The following HPSE2 variants were observed in gnomAD, a reference collection of about 807,000 sequenced individuals.
HPSE2 encodes inactive heparanase-2.
HPSE2 carries 38 observed loss-of-function variants against 60.5 expected under a neutral mutation model. The ratio of observed to expected loss-of-function variants is 0.63; its 90% CI spans 0.48 to 0.82. The LOEUF (loss-of-function observed/expected upper bound fraction) is 0.82. Ranked by LOEUF, HPSE2 falls within the 40% of genes least tolerant of loss-of-function variation. HPSE2 has a pLI of 0.00. For missense variants in HPSE2, 713 were observed against 740.4 expected, an observed-to-expected ratio of 0.96 and a Z score of 0.43; for synonymous variants, 295 against 293.2, an observed-to-expected ratio of 1.01 and a Z score of -0.06.
intron 3 of HPSE2, among the ~76,000 whole-genome samples, chr10:98,843,204 C>A (rs1283909259): frequency 6.6e-6 from 1 of 151,966 alleles, no homozygotes; most frequent in Non-Finnish European, 1.5e-5. Flanking sequence ...CCACCCTCCA[C>A]CCTCCGATAG....
intron 9 of HPSE2, among the ~76,000 whole-genome samples, chr10:98,580,186 G>GT (rs1351776817): frequency 6.6e-6 from 1 of 152,024 alleles, no homozygotes; most frequent in East Asian, 1.9e-4. Flanking sequence ...TTTATTCTTG[G>GT]TTTTTAAAAT....
intron 3 of HPSE2, among the ~76,000 whole-genome samples, chr10:98,970,650 C>T (rs1955929089): frequency 6.6e-6 from 1 of 152,088 alleles, no homozygotes. Flanking sequence ...CAGGAAAGTG[C>T]TAACACAAAA....
intron 3 of HPSE2, among the ~76,000 whole-genome samples, chr10:98,755,657 A>T (rs557604311): frequency 6.6e-6 from 1 of 152,130 alleles, no homozygotes; most frequent in Non-Finnish European, 1.5e-5. Flanking sequence ...AAATCATATC[A>T]CCCACCCTCT....
intron 10 of HPSE2, 66 bp downstream of exon 10, chr10:98,489,985 G>T: frequency 6.3e-7 from 1 of 1,585,922 alleles, no homozygotes; most frequent in Non-Finnish European, 8.7e-7. Flanking sequence ...AGTCTTGAAG[G>T]GGTCCCAAAT....
intron 7 of HPSE2, among the ~76,000 whole-genome samples, chr10:98,623,762 C>T (rs1946133239): frequency 6.6e-6 from 1 of 152,010 alleles, no homozygotes; most frequent in Non-Finnish European, 1.5e-5. Context: ...TTTTATAATG[C>T]TAATGTAGAT....
rs543423512 is a variant in HPSE2 at position 98,938,148 on chromosome 10, G to A, written c.611-194092C>T. Among the ~76,000 whole-genome samples, 444 of 125,354 alleles carry A rather than the reference G, an allele frequency of 3.5e-3. 2 individuals carry two copies. Among genetic ancestry groups the A allele is most frequent in the South Asian group, 0.011 (42 of 4,000 alleles). 82.2% of individuals were successfully genotyped at this position (125,354 alleles called of 152,430 possible). ...ACCACAAAGATGGGGAAAAAACAGA[G>A]CAGAAAAACTGGAAATTCTAAAAAG... On this transcript the variant is annotated intron_variant, in intron 3 of 11. Coordinates refer to ENST00000370552, the MANE Select transcript of HPSE2 (RefSeq NM_021828.5).
chr10:98,637,426 TAAC>T (rs1438586989), intron 7 of HPSE2, among the ~76,000 whole-genome samples: 3 of 152,088 alleles, frequency 2.0e-5, no homozygotes, highest in Non-Finnish European at 1.5e-5. Flanking sequence ...ATAATAACTA[TAAC>T]AACAATAATA....
chr10:98,992,601 C>T (rs1956550775), intron 3 of HPSE2, among the ~76,000 whole-genome samples: 2 of 152,034 alleles, frequency 1.3e-5, no homozygotes, highest in African/African-American at 4.8e-5. Flanking sequence ...CTAGATCTGT[C>T]AAGAAAAGCA....
chr10:98,752,143 T>C (rs1268247950), intron 3 of HPSE2, among the ~76,000 whole-genome samples: 3 of 152,142 alleles, frequency 2.0e-5, no homozygotes, highest in Non-Finnish European at 4.4e-5. Flanking sequence ...CTTATCTAGG[T>C]TTATGAAAGG....
chr10:98,541,678 G>A (rs914392929), intron 9 of HPSE2, among the ~76,000 whole-genome samples: 1 of 152,222 alleles, frequency 6.6e-6, no homozygotes, highest in Non-Finnish European at 1.5e-5. Context: ...CCCACACATG[G>A]CTCAGAGGGT....
chr10:98,664,369 A>C (rs767741444), intron 6 of HPSE2, among the ~76,000 whole-genome samples: 1 of 152,092 alleles, frequency 6.6e-6, no homozygotes, highest in Non-Finnish European at 1.5e-5. Context: ...GCAGGGAAGC[A>C]GGGCCTACCT....
In HPSE2 at chr10:99,117,650, C is replaced by T. The variant is rs573359125; in HGVS notation, c.610+26588G>A. On this transcript the variant is annotated intron_variant, in intron 3 of 11. Coordinates refer to ENST00000370552, the MANE Select transcript of HPSE2 (RefSeq NM_021828.5). Reference sequence around the variant, plus strand: ...ATAAATTTCTGTACACATACACCCTCCCAAGACAGAGCCAGTAAGAAATGG... The same window carrying T: ...ATAAATTTCTGTACACATACACCCTTCCAAGACAGAGCCAGTAAGAAATGG... 3.4e-4 allele frequency among the ~76,000 whole-genome samples: 52 copies of T among 152,086 alleles called. 1 individual carries two copies. Among genetic ancestry groups the T allele is most frequent in the Admixed American group, 2.4e-3 (37 of 15,278 alleles).
chr10:98,870,984 CTT>C (rs1413751024), intron 3 of HPSE2, among the ~76,000 whole-genome samples: 5 of 151,294 alleles, frequency 3.3e-5, no homozygotes, highest in African/African-American at 1.2e-4. Flanking sequence ...TCCTCTCTCT[CTT>C]GCCCTCTCTC....
intron 9 of HPSE2, among the ~76,000 whole-genome samples, chr10:98,614,459 AT>A (rs532708377): frequency 6.6e-6 from 1 of 151,904 alleles, no homozygotes; most frequent in Non-Finnish European, 1.5e-5. Flanking sequence ...CACACAGCTA[AT>A]TTTTTGTATT....
At chr10:99,255,588 A>AC in the HPSE2 span, among the ~76,000 whole-genome samples, 1 of 139,784 alleles carries the variant, frequency 7.2e-6, no homozygotes, top group Non-Finnish European at 1.5e-5. Flanking sequence ...ACACACACAC[A>AC]CACACACGAC....
Position 98,749,947 on chromosome 10 carries a change from T to TATATATATATATATACATAC in HPSE2, c.611-5892_611-5891insGTATGTATATATATATATAT. On this transcript the variant is annotated intron_variant, in intron 3 of 11. Transcript: ENST00000370552. ...ATTAAACACTATATATATATATATA[T>TATATATATATATATACATAC]ACACACACACTTACACACACATTTA... Among the ~76,000 whole-genome samples the TATATATATATATATACATAC allele has an allele frequency of 1.4e-3, 138 of 98,468 alleles. 1 individual carries two copies. The highest frequency in any genetic ancestry group is 0.011 in the Admixed American group (99 of 8,750). 64.6% of individuals were successfully genotyped at this position (98,468 alleles called of 152,430 possible).
chr10:99,305,822 G>A, the HPSE2 span, among the ~76,000 whole-genome samples: 2 of 151,916 alleles, frequency 1.3e-5, no homozygotes, highest in African/African-American at 2.4e-5. Context: ...TTTATAGAAA[G>A]AATCAAATGG....
chr10:98,492,509 A>G (rs7096996), intron 9 of HPSE2, among the ~76,000 whole-genome samples: 1 of 101,300 alleles, frequency 9.9e-6, no homozygotes, highest in Non-Finnish European at 2.2e-5. Context: ...CTCAAAAAAG[A>G]CAAAAAAAAA....
intron 2 of HPSE2, among the ~76,000 whole-genome samples, chr10:99,224,891 C>T (rs1849423266): frequency 6.6e-6 from 1 of 152,062 alleles, no homozygotes; most frequent in African/African-American, 2.4e-5. Flanking sequence ...AATTAAGCCA[C>T]CTCCACAAGT....
Sources: allele counts gnomAD v4.1 joint callset (sites outside exome capture counted in the v4.1 genomes callset), GRCh38; gene constraint gnomAD v4.1.1; transcripts MANE v1.5; gene names NCBI Gene and HGNC (gene_info 2026-07-23, HGNC 2026-07-21).